Variants in NENF observed in about 807,000 individuals in gnomAD.
NENF encodes neudesin neurotrophic factor, also known as neudesin.
In NENF, 6 loss-of-function variants were observed where a neutral mutation model predicts 14.8. The observed-to-expected ratio is 0.40, with a 90% CI of 0.22 to 0.80. The LOEUF (loss-of-function observed/expected upper bound fraction) is 0.80, where lower values mean the gene tolerates loss of function less well. NENF is among the 30% of genes least tolerant of loss of function. NENF has a pLI of 0.34. For synonymous variants in NENF, 76 were observed against 95.1 expected (o/e 0.80, Z 1.17); for missense variants, 184 against 212.7 (o/e 0.87, Z 0.84).
At chr1:212,440,611 G>A (rs938474785) in intron 1 of NENF, among the ~76,000 whole-genome samples, 11 of 152,158 alleles carry the variant, frequency 7.2e-5, no homozygotes, top group African/African-American at 9.7e-5. Context: ...CTCCTGTGTC[G>A]TGCCTGCTAG....
In NENF at chr1:212,446,234, C is replaced by T. The variant is rs910597018; in HGVS notation, c.*228C>T. 2 of 507,318 alleles carry T rather than the reference C, an allele frequency of 3.9e-6. No individual in the cohort carries two copies. The highest frequency in any genetic ancestry group is 7.0e-6 in the Non-Finnish European group (2 of 285,378). The allele number at this position is 507,318 out of a possible 1,614,324, so 31.4% of individuals were successfully genotyped here. On this transcript the variant is annotated 3_prime_UTR_variant, in exon 4 of 4. Transcript: ENST00000366988. ...ATCAATAAGAGCCAAAGTGGGACAC[C>T]TCCTAGATGTCAGTATCAGCTGGCT... is the stretch of plus-strand genomic sequence containing the variant.
rs1470919316 is a variant in NENF at position 212,433,745 on chromosome 1, C to T, written c.177+625C>T. Among the ~76,000 whole-genome samples the T allele has an allele frequency of 6.6e-6, 1 of 151,906 alleles. No homozygotes were observed. The highest frequency in any genetic ancestry group is 1.5e-5 in the Non-Finnish European group (1 of 67,962). ...CCCCCGCCACACGTCAATAGAGACCCCCCCGCCCACACACACCCACACACG... is the reference window on the plus strand; with the variant it reads ...CCCCCGCCACACGTCAATAGAGACCTCCCCGCCCACACACACCCACACACG... On this transcript the variant is annotated intron_variant, in intron 1 of 3. Coordinates refer to ENST00000366988, the MANE Select transcript of NENF (RefSeq NM_013349.5). The surrounding 1 kb of genome is among the most constrained non-coding windows in gnomAD (Gnocchi z 5.5).
At chr1:212,435,109 G>T (rs1662582740) in intron 1 of NENF, 1 of 152,208 alleles carries the variant, frequency 6.6e-6, no homozygotes, top group Non-Finnish European at 1.5e-5. Context: ...TCAGAAGTGT[G>T]ACAATTTGTA....
intron 2 of NENF, 63 bp from the exon 3 acceptor site, chr1:212,444,276 C>A: frequency 8.6e-7 from 1 of 1,157,794 alleles, no homozygotes; most frequent in Non-Finnish European, 1.2e-6. Flanking sequence ...CCCCCACGTG[C>A]AAGCTCCTGG....
At chr1:212,435,547 CT>C (rs58631608) in intron 1 of NENF, among the ~76,000 whole-genome samples, 1,798 of 132,808 alleles carry the variant, frequency 0.014, 12 homozygotes, top group South Asian at 0.03. Context: ...AGTTTTTTTC[CT>C]TTTTTTTTTT....
chr1:212,444,096 A>G (rs546795419), intron 2 of NENF, among the ~76,000 whole-genome samples: 1 of 152,210 alleles, frequency 6.6e-6, no homozygotes, highest in Admixed American at 6.5e-5. Flanking sequence ...TTCTCATTTT[A>G]TATTTTCTGA....
chr1:212,436,706 A>G (rs1662606520), intron 1 of NENF, among the ~76,000 whole-genome samples: 1 of 152,240 alleles, frequency 6.6e-6, no homozygotes, highest in African/African-American at 2.4e-5. Flanking sequence ...AGCAATATCT[A>G]GGTGAGTATT....
intron 1 of NENF, among the ~76,000 whole-genome samples, chr1:212,436,060 G>A (rs906011377): frequency 2.0e-5 from 3 of 152,196 alleles, no homozygotes; most frequent in Non-Finnish European, 4.4e-5. Context: ...GAAGGAAGAG[G>A]AGTGGTTGGT....
intron 1 of NENF, among the ~76,000 whole-genome samples, chr1:212,437,894 C>A (rs1571701494): frequency 6.6e-6 from 1 of 152,164 alleles, no homozygotes; most frequent in Non-Finnish European, 1.5e-5. Flanking sequence ...TGGCTCACAC[C>A]TGTAGTCCCA....
intron 3 of NENF, among the ~76,000 whole-genome samples, chr1:212,444,664 A>G (rs778978827): frequency 1.3e-5 from 2 of 151,668 alleles, no homozygotes; most frequent in South Asian, 2.1e-4. Flanking sequence ...TTATCCTACC[A>G]TGTCATCTCG....
At chr1:212,437,969 C>G (rs144289657) in intron 1 of NENF, among the ~76,000 whole-genome samples, 1 of 152,022 alleles carries the variant, frequency 6.6e-6, no homozygotes, top group African/African-American at 2.4e-5. Flanking sequence ...GCCTGGGCAA[C>G]GTAGTGAGAC....
chr1:212,444,047 C>CA (rs201054525), intron 2 of NENF, among the ~76,000 whole-genome samples: 5,275 of 150,514 alleles, frequency 0.035, 305 homozygotes, highest in African/African-American at 0.12. Flanking sequence ...GAGACCCTGT[C>CA]AAAAAAAAAC....
chr1:212,445,083 C>T (rs767175462), intron 3 of NENF, among the ~76,000 whole-genome samples: 4 of 151,980 alleles, frequency 2.6e-5, no homozygotes, highest in Admixed American at 6.6e-5. Flanking sequence ...GGAGAAACCC[C>T]GTCTCTACTA....
At chr1:212,436,209 C>T (rs995937122) in intron 1 of NENF, among the ~76,000 whole-genome samples, 11 of 150,484 alleles carry the variant, frequency 7.3e-5, no homozygotes, top group African/African-American at 2.2e-4. Flanking sequence ...TACACGATAG[C>T]GGGGGCTGGC....
intron 1 of NENF, among the ~76,000 whole-genome samples, chr1:212,437,067 A>G (rs1433589903): frequency 1.3e-5 from 2 of 152,146 alleles, no homozygotes; most frequent in Non-Finnish European, 2.9e-5. Context: ...GTTAGCTACT[A>G]TTATTTTTTA....
At chr1:212,444,047 CA>C (rs201054525) in intron 2 of NENF, among the ~76,000 whole-genome samples, 12 of 150,454 alleles carry the variant, frequency 8.0e-5, no homozygotes, top group Non-Finnish European at 1.5e-4. Context: ...GAGACCCTGT[CA>C]AAAAAAAACA....
intron 1 of NENF, among the ~76,000 whole-genome samples, chr1:212,440,895 A>G (rs1044688051): frequency 5.3e-5 from 8 of 152,136 alleles, no homozygotes; most frequent in Non-Finnish European, 1.2e-4. Flanking sequence ...ATTCCTATGG[A>G]CCCAGCAGCG....
chr1:212,440,206 T>C (rs912831790), intron 1 of NENF, among the ~76,000 whole-genome samples: 4 of 139,202 alleles, frequency 2.9e-5, no homozygotes, highest in African/African-American at 8.3e-5. Context: ...GAGCCGATAT[T>C]GTACCACTGC....
chr1:212,445,716 A>G (rs890983668), intron 3 of NENF, 114 bp from the exon 4 acceptor site: 39 of 854,484 alleles, frequency 4.6e-5, no homozygotes, highest in Non-Finnish European at 5.2e-5. Flanking sequence ...TTGTTGAGAT[A>G]TCTTTTCTCT....
Sources: gnomAD v4.1 joint callset for allele counts (sites outside exome capture counted in the v4.1 genomes callset) on GRCh38, gnomAD v4.1.1 for gene constraint, Gnocchi (gnomAD v3.1) non-coding constraint, MANE v1.5 for transcripts, NCBI Gene and HGNC (gene_info 2026-07-23, HGNC 2026-07-21) for gene names.